SERPINI1: variants seen among roughly 807,000 people sequenced by gnomAD.
SERPINI1 encodes the protein serpin family I member 1, also known as neuroserpin.
A neutral mutation model predicts 41.1 loss-of-function variants in SERPINI1; 19 were observed. The observed-to-expected ratio is 0.46, with a 90% CI of 0.32 to 0.68. The LOEUF (loss-of-function observed/expected upper bound fraction) is 0.68. Among genes scored for constraint, SERPINI1 ranks in the 30% least tolerant of loss-of-function variants. The probability of loss-of-function intolerance (pLI) is 0.03; values close to 1 mark genes in which losing one functional copy is unlikely to be tolerated. For missense variants in SERPINI1, 460 were observed against 479.2 expected (o/e 0.96, Z 0.37); for synonymous variants, 138 against 156.6 (o/e 0.88, Z 0.89).
At position 167,735,833 on chromosome 3, in the gene SERPINI1, G is replaced by T. The variant is rs1725385581; in HGVS notation, c.-19+10G>T. On this transcript the variant is annotated intron_variant, in intron 1 of 8. Transcript: ENST00000446050. ...TGCAGGTGTGTGGGAGGTAAGCGTGGGTCCTTCTTCGGGGCGTCTGCACTG... is the reference window on the plus strand; with the variant it reads ...TGCAGGTGTGTGGGAGGTAAGCGTGTGTCCTTCTTCGGGGCGTCTGCACTG... 1 of 152,276 alleles carries T rather than the reference G, an allele frequency of 6.6e-6. No homozygotes were observed. Among genetic ancestry groups the T allele is most frequent in the African/African-American group, 2.4e-5 (1 of 41,442 alleles). The allele number at this position is 152,276 out of a possible 1,614,324, so 9.4% of individuals were successfully genotyped here. A position where few individuals can be genotyped will look rare whatever the true frequency, so the allele number is the denominator to read the frequency against.
intron 1 of SERPINI1, among the ~76,000 whole-genome samples, chr3:167,780,998 T>G (rs1727103562): frequency 6.6e-6 from 1 of 152,136 alleles, no homozygotes; most frequent in Non-Finnish European, 1.5e-5. Context: ...GATTATAAGA[T>G]TTATTAGAAT....
At chr3:167,810,398 A>G (rs1465647932) in intron 6 of SERPINI1, among the ~76,000 whole-genome samples, 1 of 152,186 alleles carries the variant, frequency 6.6e-6, no homozygotes, top group Non-Finnish European at 1.5e-5. Flanking sequence ...GCTCTATACC[A>G]CTGCACTAAA....
intron 1 of SERPINI1, among the ~76,000 whole-genome samples, chr3:167,755,594 C>T (rs750671312): frequency 2.6e-5 from 4 of 152,164 alleles, no homozygotes; most frequent in Non-Finnish European, 5.9e-5. Context: ...AGATCAAAAT[C>T]ACTGACTGTT....
rs554150090 is a variant in SERPINI1, at chr3:167,759,407, T to G, written c.-19+23584T>G. On this transcript the variant is annotated intron_variant, in intron 1 of 8. Transcript: ENST00000446050. Reference sequence around the variant, plus strand: ...TTGGATAAAGAAAATGTGGTATATATATATATATATATATGCGCCATGCAG... The same window carrying G: ...TTGGATAAAGAAAATGTGGTATATAGATATATATATATATGCGCCATGCAG... 4.2e-5 allele frequency among the ~76,000 whole-genome samples: 6 copies of G among 144,294 alleles called. No homozygotes were observed. The South Asian group carries it at 1.3e-3, about 31-fold the overall frequency. The allele number at this position is 144,294 out of a possible 152,430, so 94.7% of individuals were successfully genotyped here.
intron 1 of SERPINI1, among the ~76,000 whole-genome samples, chr3:167,759,816 T>TA (rs913254972): frequency 1.8e-4 from 27 of 151,888 alleles, no homozygotes; most frequent in African/African-American, 4.1e-4. Context: ...CCAGCTAAAG[T>TA]AAAAAAAAGC....
chr3:167,787,835 A>C (rs1727364201), intron 1 of SERPINI1, among the ~76,000 whole-genome samples: 1 of 152,252 alleles, frequency 6.6e-6, no homozygotes, highest in South Asian at 2.1e-4. Context: ...TTACAAAGTC[A>C]CCAGGCAGTT....
intron 1 of SERPINI1, among the ~76,000 whole-genome samples, chr3:167,760,560 ATTGTGTGTGTGTGTGT>A (rs1380457865): frequency 9.1e-6 from 1 of 109,832 alleles, no homozygotes; most frequent in African/African-American, 3.6e-5. Flanking sequence ...CTGGCTCCAA[ATTGTGTGTGTGTGTGT>A]GTGTGTGTGT....
chr3:167,761,288 A>G (rs751827784), intron 1 of SERPINI1, among the ~76,000 whole-genome samples: 1 of 152,230 alleles, frequency 6.6e-6, no homozygotes, highest in Non-Finnish European at 1.5e-5. Context: ...CATTGTCCCC[A>G]GGTTAAAAAC....
chr3:167,819,769 T>C (rs1003123830), intron 6 of SERPINI1, among the ~76,000 whole-genome samples: 6 of 152,190 alleles, frequency 3.9e-5, no homozygotes, highest in African/African-American at 1.4e-4. Flanking sequence ...ACTTACAAAG[T>C]CTAACTAAGC....
At chr3:167,822,362 C>A (rs1440572462) in intron 6 of SERPINI1, among the ~76,000 whole-genome samples, 1 of 152,102 alleles carries the variant, frequency 6.6e-6, no homozygotes, top group Admixed American at 6.5e-5. Context: ...TTAAAACAGG[C>A]ATAAATAGGA....
chr3:167,783,493 T>C (rs1438329962), intron 1 of SERPINI1, among the ~76,000 whole-genome samples: 1 of 152,218 alleles, frequency 6.6e-6, no homozygotes, highest in African/African-American at 2.4e-5. Context: ...GCTATAATTT[T>C]ACTTATTTGG....
chr3:167,754,946 T>G (rs973575781), intron 1 of SERPINI1, among the ~76,000 whole-genome samples: 4 of 152,176 alleles, frequency 2.6e-5, no homozygotes, highest in Non-Finnish European at 5.9e-5. Flanking sequence ...GGCCTCCTCT[T>G]CCTTCTTTCT....
intron 1 of SERPINI1, among the ~76,000 whole-genome samples, chr3:167,741,810 G>A (rs1725685005): frequency 6.6e-6 from 1 of 152,138 alleles, no homozygotes; most frequent in African/African-American, 2.4e-5. Flanking sequence ...TCTGTGGCAG[G>A]TTAAATAGTA....
intron 3 of SERPINI1, among the ~76,000 whole-genome samples, chr3:167,791,339 A>G (rs1374729948): frequency 6.6e-6 from 1 of 152,186 alleles, no homozygotes. Context: ...CTTGAACTTT[A>G]CATTGGAACA....
intron 1 of SERPINI1, among the ~76,000 whole-genome samples, chr3:167,758,474 A>T (rs572480803): frequency 1.3e-5 from 2 of 152,316 alleles, no homozygotes; most frequent in African/African-American, 4.8e-5. Flanking sequence ...CAATTGATGA[A>T]TGTAGAAAGA....
chr3:167,808,587 A>T (rs998214042), intron 6 of SERPINI1, among the ~76,000 whole-genome samples: 22 of 152,312 alleles, frequency 1.4e-4, no homozygotes, highest in African/African-American at 5.3e-4. Flanking sequence ...TCCAAATAGC[A>T]CTGAGATGAT....
At chr3:167,776,502 G>A (rs912834202) in intron 1 of SERPINI1, among the ~76,000 whole-genome samples, 6 of 152,136 alleles carry the variant, frequency 3.9e-5, no homozygotes, top group Admixed American at 6.6e-5. Context: ...CTGAAGACAC[G>A]GAATTTGGTT....
At chr3:167,776,145 G>A (rs569581325) in intron 1 of SERPINI1, among the ~76,000 whole-genome samples, 14 of 152,222 alleles carry the variant, frequency 9.2e-5, no homozygotes, top group South Asian at 2.1e-4. Context: ...GCCTGGCTTC[G>A]TTCCACAATG....
At chr3:167,762,414 C>A (rs1454831968) in intron 1 of SERPINI1, among the ~76,000 whole-genome samples, 1 of 152,146 alleles carries the variant, frequency 6.6e-6, no homozygotes, top group Admixed American at 6.5e-5. Context: ...TGACTACTCC[C>A]TTCTCCACCC....
Sources: gnomAD v4.1 joint callset for allele counts (sites outside exome capture counted in the v4.1 genomes callset) on GRCh38, gnomAD v4.1.1 for gene constraint, MANE v1.5 for transcripts, NCBI Gene and HGNC (gene_info 2026-07-23, HGNC 2026-07-21) for gene names.